Variants in CBR4 observed in about 807,000 individuals in gnomAD.
CBR4 encodes 3-oxoacyl-[acyl-carrier-protein] reductase.
Under a neutral mutation model 21.0 loss-of-function variants are expected in CBR4, and 22 were observed. The ratio of observed to expected loss-of-function variants is 1.05; its 90% CI spans 0.75 to 1.50. CBR4 has a LOEUF of 1.50. Among genes scored for constraint, CBR4 ranks in the 40% most tolerant of loss-of-function variants. The probability of loss-of-function intolerance (pLI) is 0.00; values close to 1 mark genes in which losing one functional copy is unlikely to be tolerated. For synonymous variants in CBR4, 100 were observed against 104.4 expected, an observed-to-expected ratio of 0.96 and a Z score of 0.26; for missense variants, 302 against 286.3, an observed-to-expected ratio of 1.05 and a Z score of -0.40.
intron 2 of CBR4, chr4:168,896,630 G>A (rs1255309944): frequency 1.6e-6 from 2 of 1,255,228 alleles, no homozygotes; most frequent in African/African-American, 3.0e-5. Context: ...TCTCCTTCCA[G>A]TCTTTCTCTG....
chr4:169,009,878 T>A (rs746164268), intron 1 of CBR4, 70 bp downstream of exon 1: 24 of 1,443,860 alleles, frequency 1.7e-5, no homozygotes, highest in Non-Finnish European at 2.2e-5. Flanking sequence ...CCGCTCTTTT[T>A]ACAAAGGAGA....
At chr4:168,898,222 C>T in intron 2 of CBR4, 1 of 481,122 alleles carries the variant, frequency 2.1e-6, no homozygotes, top group Non-Finnish European at 3.8e-6. Flanking sequence ...CCCTTGTTTC[C>T]CCTCGCCTCA....
intron 4 of CBR4, among the ~76,000 whole-genome samples, chr4:169,000,967 AAG>A (rs1730380909): frequency 6.6e-6 from 1 of 152,052 alleles, no homozygotes; most frequent in Non-Finnish European, 1.5e-5. Flanking sequence ...AAAATCTAAA[AAG>A]AATTTTTTTT....
At chr4:168,972,712 A>G (rs985360323) in intron 2 of CBR4, among the ~76,000 whole-genome samples, 11 of 152,316 alleles carry the variant, frequency 7.2e-5, no homozygotes, top group South Asian at 2.1e-4. Context: ...GTATACGATC[A>G]TATCATCAGC....
chr4:168,976,278 C>A (rs375985819), intron 2 of CBR4, among the ~76,000 whole-genome samples: 7 of 152,162 alleles, frequency 4.6e-5, no homozygotes, highest in African/African-American at 1.7e-4. Context: ...TCCATGGGCT[C>A]GAGCTAAGGA....
intron 2 of CBR4, chr4:168,915,879 T>C: frequency 6.2e-7 from 1 of 1,605,904 alleles, no homozygotes; most frequent in South Asian, 1.1e-5. Flanking sequence ...CTATCTGTCA[T>C]CTTTCTTGTT....
At chr4:169,008,861 T>G (rs892856967) in intron 1 of CBR4, 1 of 405,392 alleles carries the variant, frequency 2.5e-6, no homozygotes, top group Non-Finnish European at 4.8e-6. Context: ...GAATCTTTTT[T>G]CTTTTAGAGA....
At chr4:168,992,940 TACC>T (rs1764995459) in intron 4 of CBR4, among the ~76,000 whole-genome samples, 1 of 152,202 alleles carries the variant, frequency 6.6e-6, no homozygotes, top group Admixed American at 6.5e-5. Context: ...CATAACATCT[TACC>T]ACATTTATTT....
Position 168,895,934 on chromosome 4 carries a change from C to T in CBR4, n.170-1169G>A, listed in dbSNP as rs369600104. ...AGTTGAAAGTGCATTTAAGGCGGGGCGCAGTGGCTTACGCCTGTGATCCCA... is the reference window on the plus strand; with the variant it reads ...AGTTGAAAGTGCATTTAAGGCGGGGTGCAGTGGCTTACGCCTGTGATCCCA... On this transcript the variant is annotated intron_variant and non_coding_transcript_variant, in intron 2 of 3. Coordinates refer to the CBR4 transcript ENST00000509108. Among the ~76,000 whole-genome samples, 21 of 152,264 alleles carry T rather than the reference C, an allele frequency of 1.4e-4. No homozygotes were observed. The East Asian group carries it at 1.7e-3, about 13-fold the overall frequency.
At chr4:168,994,497 A>G (rs1350909615) in intron 4 of CBR4, among the ~76,000 whole-genome samples, 2 of 152,224 alleles carry the variant, frequency 1.3e-5, no homozygotes, top group Non-Finnish European at 2.9e-5. Context: ...ACTATCTGCA[A>G]CTGAATGACC....
intron 4 of CBR4, among the ~76,000 whole-genome samples, chr4:168,995,112 T>C (rs1328402035): frequency 6.6e-6 from 1 of 152,176 alleles, no homozygotes; most frequent in Non-Finnish European, 1.5e-5. Flanking sequence ...GTATGCCTCA[T>C]TAAGTACTCT....
At chr4:169,009,559 G>A (rs1232064032) in intron 1 of CBR4, among the ~76,000 whole-genome samples, 1 of 152,236 alleles carries the variant, frequency 6.6e-6, no homozygotes, top group East Asian at 1.9e-4. Flanking sequence ...CCCTGTCTCC[G>A]GGGGCCGAGA....
intron 2 of CBR4, among the ~76,000 whole-genome samples, chr4:168,913,421 G>A (rs1014306082): frequency 5.3e-5 from 8 of 152,064 alleles, no homozygotes; most frequent in Non-Finnish European, 1.0e-4. Flanking sequence ...ACAGGCATGA[G>A]CCATCGTGCC....
intron 2 of CBR4, among the ~76,000 whole-genome samples, chr4:168,910,832 A>G (rs1453825698): frequency 6.6e-6 from 1 of 152,206 alleles, no homozygotes; most frequent in African/African-American, 2.4e-5. Context: ...TTCCAGGATT[A>G]AGAGCACTAA....
At chr4:168,925,165 T>C in intron 2 of CBR4, 1 of 1,582,830 alleles carries the variant, frequency 6.3e-7, no homozygotes, top group Non-Finnish European at 8.7e-7. Flanking sequence ...CATTACTCTT[T>C]ATAAACAACT....
At chr4:168,917,933 G>A (rs1040714597) in intron 2 of CBR4, among the ~76,000 whole-genome samples, 1 of 152,136 alleles carries the variant, frequency 6.6e-6, no homozygotes, top group Non-Finnish European at 1.5e-5. Flanking sequence ...GGGCACAGTG[G>A]CACACGCCTG....
intron 2 of CBR4, among the ~76,000 whole-genome samples, chr4:168,905,163 T>G (rs975605173): frequency 5.0e-5 from 7 of 140,464 alleles, no homozygotes; most frequent in African/African-American, 1.9e-4. Context: ...TTTTTTTTTT[T>G]TTTTTGAGAT....
In CBR4 at chr4:168,990,169, C is replaced by G; in HGVS notation, c.695G>C (p.Gly232Ala). 6.2e-7 allele frequency: 1 copy of G among 1,602,410 alleles called. No individual in the cohort carries two copies. Among genetic ancestry groups the G allele is most frequent in the Admixed American group, 1.7e-5 (1 of 58,094 alleles). Residue 232 changes from glycine to alanine, a missense_variant, in exon 5 of 5, where the codon GGA becomes GCA. Physicochemically the swap from Gly to Ala is moderately conservative, Grantham distance 60 (BLOSUM62 0). Transcript: ENST00000306193. ...TGCAAATTACAAAATGAGTTGTAATCCCCCATCCACTACCAGAACATGCCC... is the reference window on the plus strand; with the variant it reads ...TGCAAATTACAAAATGAGTTGTAATGCCCCATCCACTACCAGAACATGCCC... ...ITGHVLVVDG[G>A]LQLIL
intron 2 of CBR4, among the ~76,000 whole-genome samples, chr4:168,950,385 T>G (rs1346131353): frequency 2.6e-5 from 4 of 152,212 alleles, no homozygotes; most frequent in Non-Finnish European, 5.9e-5. Context: ...TTAATTTTCA[T>G]GTATTTGCAT....
Sources: gnomAD v4.1 joint callset for allele counts (sites outside exome capture counted in the v4.1 genomes callset) on GRCh38, gnomAD v4.1.1 for gene constraint, MANE v1.5 for transcripts, NCBI Gene and HGNC (gene_info 2026-07-23, HGNC 2026-07-21) for gene names.